Variants in KCTD1 observed in about 807,000 individuals in gnomAD.
KCTD1 encodes the protein BTB/POZ domain-containing protein KCTD1.
In KCTD1, 24 loss-of-function variants were observed where a neutral mutation model predicts 66.0. The ratio of observed to expected loss-of-function variants is 0.36; its 90% CI spans 0.26 to 0.51. The LOEUF (loss-of-function observed/expected upper bound fraction) is 0.51. Among genes scored for constraint, KCTD1 ranks in the 20% least tolerant of loss-of-function variants. The pLI is 0.95. For missense variants in KCTD1, 943 were observed against 1,205.2 expected (o/e 0.78, Z 3.22); for synonymous variants, 511 against 517.2 (o/e 0.99, Z 0.16).
At chr18:26,488,536 C>T (rs997411027) in intron 2 of KCTD1, among the ~76,000 whole-genome samples, 3 of 152,012 alleles carry the variant, frequency 2.0e-5, no homozygotes, top group South Asian at 2.1e-4. Context: ...CCAAGTTTAA[C>T]GAGGCTGGGT....
At chr18:26,626,296 A>G (rs1430557441) in intron 1 of KCTD1, among the ~76,000 whole-genome samples, 3 of 152,166 alleles carry the variant, frequency 2.0e-5, no homozygotes, top group Admixed American at 2.0e-4. Context: ...CATGAAGCTA[A>G]CCTCCTACCA....
intron 1 of KCTD1, among the ~76,000 whole-genome samples, chr18:26,512,959 C>T (rs112541971): frequency 6.6e-6 from 1 of 151,728 alleles, no homozygotes; most frequent in Non-Finnish European, 1.5e-5. Context: ...CCAGCCTGGG[C>T]AACGCAGAAA....
intron 1 of KCTD1, among the ~76,000 whole-genome samples, chr18:26,601,326 T>TAAAAAAAAAAA (rs61521451): frequency 3.9e-4 from 36 of 93,254 alleles, no homozygotes; most frequent in African/African-American, 1.2e-3. Flanking sequence ...TGTTCATTGG[T>TAAAAAAAAAAA]AAAAAAAAAA....
intron 1 of KCTD1, among the ~76,000 whole-genome samples, chr18:26,557,775 C>T (rs1985742259): frequency 6.6e-6 from 1 of 152,150 alleles, no homozygotes; most frequent in Non-Finnish European, 1.5e-5. Flanking sequence ...AGAAGATGCA[C>T]ACACACACAT....
At chr18:26,537,238 T>C (rs1476877108) in intron 1 of KCTD1, among the ~76,000 whole-genome samples, 3 of 152,158 alleles carry the variant, frequency 2.0e-5, no homozygotes, top group African/African-American at 7.2e-5. Context: ...ACAACAACAA[T>C]ATTTGTTTAA....
upstream of KCTD1, among the ~76,000 whole-genome samples, chr18:26,644,788 A>G (rs1033606687): frequency 6.6e-6 from 1 of 151,188 alleles, no homozygotes; most frequent in African/African-American, 2.4e-5. Flanking sequence ...GAGAGAGAGA[A>G]AGAGGAAGCA....
chr18:26,651,495 T>A (rs899814232), intron 1 of KCTD1, among the ~76,000 whole-genome samples: 5 of 151,982 alleles, frequency 3.3e-5, no homozygotes, highest in African/African-American at 1.2e-4. Context: ...ATTTAGAAGG[T>A]AAAGTTGGCC....
intron 1 of KCTD1, among the ~76,000 whole-genome samples, chr18:26,510,736 A>G (rs1598907217): frequency 6.6e-6 from 1 of 152,326 alleles, no homozygotes; most frequent in East Asian, 1.9e-4. Context: ...GTTTTTTTAA[A>G]TTAGATTTCT....
At chr18:26,544,666 A>C (rs576811665) in intron 1 of KCTD1, 1 of 152,112 alleles carries the variant, frequency 6.6e-6, no homozygotes, top group Non-Finnish European at 1.5e-5. Flanking sequence ...CTAGGCATTA[A>C]GCCCCAGGAA....
At chr18:26,490,287 G>A (rs920486558) in intron 2 of KCTD1, among the ~76,000 whole-genome samples, 1 of 152,188 alleles carries the variant, frequency 6.6e-6, no homozygotes, top group South Asian at 2.1e-4. Flanking sequence ...GGGAGATATA[G>A]ATTAAGTAAA....
intron 1 of KCTD1, among the ~76,000 whole-genome samples, chr18:26,501,891 G>A (rs924985318): frequency 6.6e-6 from 1 of 152,192 alleles, no homozygotes; most frequent in Non-Finnish European, 1.5e-5. Flanking sequence ...CAAGCGAACT[G>A]CTCTTCTGCA....
intron 1 of KCTD1, among the ~76,000 whole-genome samples, chr18:26,619,925 C>T (rs1218530740): frequency 6.6e-6 from 1 of 152,178 alleles, no homozygotes; most frequent in Non-Finnish European, 1.5e-5. Flanking sequence ...TTTCCTGTTA[C>T]TTTCAGCCAA....
At chr18:26,480,001 G>C (rs1981550694) in intron 2 of KCTD1, among the ~76,000 whole-genome samples, 1 of 150,670 alleles carries the variant, frequency 6.6e-6, no homozygotes, top group Non-Finnish European at 1.5e-5. Flanking sequence ...AACTAGCCAA[G>C]ACCAAGCTGG....
intron 2 of KCTD1, among the ~76,000 whole-genome samples, chr18:26,482,204 T>C (rs1981685249): frequency 6.6e-6 from 1 of 152,228 alleles, no homozygotes; most frequent in East Asian, 1.9e-4. Context: ...TTACTACTCA[T>C]TGAATAGCAT....
At chr18:26,546,683 G>A in intron 1 of KCTD1, 45 bp downstream of exon 1, 3 of 1,511,604 alleles carry the variant, frequency 2.0e-6, no homozygotes, top group South Asian at 1.3e-5. Flanking sequence ...TAGTCCCGAA[G>A]TGGTACCAAA....
chr18:26,625,872 C>A (rs925840231), intron 1 of KCTD1, among the ~76,000 whole-genome samples: 1 of 152,136 alleles, frequency 6.6e-6, no homozygotes, highest in African/African-American at 2.4e-5. Context: ...CCACCCTGGC[C>A]AGACCATATA....
chr18:26,488,472 A>T (rs536488705), intron 2 of KCTD1, among the ~76,000 whole-genome samples: 1 of 152,028 alleles, frequency 6.6e-6, no homozygotes, highest in East Asian at 1.9e-4. Context: ...AGCCCTCAGG[A>T]CTTTCTAAGC....
intron 1 of KCTD1, among the ~76,000 whole-genome samples, chr18:26,609,240 C>T (rs1201712301): frequency 6.6e-6 from 1 of 152,160 alleles, no homozygotes; most frequent in Non-Finnish European, 1.5e-5. Context: ...ATGAAAATCC[C>T]TTAGCATTAA....
chr18:26,488,716 A>AT (rs1246211254), intron 2 of KCTD1, among the ~76,000 whole-genome samples: 1 of 152,218 alleles, frequency 6.6e-6, no homozygotes, highest in Non-Finnish European at 1.5e-5. Flanking sequence ...GAAGAACACA[A>AT]TAAGAAAAGT....
Sources: gnomAD v4.1 joint callset for allele counts (sites outside exome capture counted in the v4.1 genomes callset) on GRCh38, gnomAD v4.1.1 for gene constraint, MANE v1.5 for transcripts, NCBI Gene and HGNC (gene_info 2026-07-23, HGNC 2026-07-21) for gene names.